Variants in KIF2C observed in about 807,000 individuals in gnomAD.
KIF2C encodes the protein kinesin family member 2C.
KIF2C carries 34 observed loss-of-function variants against 97.4 expected under a neutral mutation model. The observed-to-expected ratio is 0.35, with a 90% CI of 0.27 to 0.46. KIF2C has a LOEUF of 0.46. KIF2C is among the 20% of genes least tolerant of loss of function. The pLI is 1.00. For synonymous variants in KIF2C, 313 were observed against 318.2 expected (o/e 0.98, Z 0.17); for missense variants, 750 against 907.6 (o/e 0.83, Z 2.23).
Position 44,762,361 on chromosome 1 carries a change from C to T in KIF2C, c.1767C>T (p.Ser589=). The T allele has an allele frequency of 6.2e-7, 1 of 1,613,740 alleles. No individual in the cohort carries two copies. The highest frequency in any genetic ancestry group is 8.5e-7 in the Non-Finnish European group (1 of 1,179,666). The part of the protein sequence containing the change: ...LRYADRVKEL[S]PHSGPSGEQL... ...GTTTCCTCAGGGTCAAGGAGCTGAG[C>T]CCCCACAGTGGGCCCAGTGGAGAGC... Residue 589 remains serine, a synonymous_variant, in exon 18 of 21, where the codon AGC becomes AGT. Transcript: ENST00000372224.
intron 16 of KIF2C, among the ~76,000 whole-genome samples, chr1:44,761,393 G>C (rs1650133264): frequency 1.3e-5 from 2 of 152,098 alleles, no homozygotes; most frequent in Admixed American, 1.3e-4. Flanking sequence ...GGATCACAAG[G>C]TCAGGAGATA....
chr1:44,753,339 A>G, intron 6 of KIF2C, 85 bp downstream of exon 6: 4 of 1,456,620 alleles, frequency 2.7e-6, no homozygotes, highest in Non-Finnish European at 3.7e-6. Flanking sequence ...CTACCTTGGC[A>G]CCTGAGTTCA....
At chr1:44,747,090 C>T (rs1441058133) in intron 2 of KIF2C, among the ~76,000 whole-genome samples, 2 of 151,932 alleles carry the variant, frequency 1.3e-5, no homozygotes, top group South Asian at 2.1e-4. Context: ...GGGAGATCAC[C>T]TGAGGCCAGG....
At chr1:44,745,883 TC>T (rs1649168620) in intron 2 of KIF2C, among the ~76,000 whole-genome samples, 1 of 151,904 alleles carries the variant, frequency 6.6e-6, no homozygotes, top group Admixed American at 6.6e-5. Flanking sequence ...TTTTTCTTTT[TC>T]TTTTTTTTTT....
chr1:44,761,937 A>C lies in KIF2C; in HGVS notation c.1705A>C (p.Ile569Leu). The C allele has an allele frequency of 6.2e-7, 1 of 1,614,172 alleles. No homozygotes were observed. Among genetic ancestry groups the C allele is most frequent in the Non-Finnish European group, 8.5e-7 (1 of 1,180,006 alleles). Residue 569 changes from isoleucine to leucine, a missense_variant, in exon 17 of 21, where the codon ATA becomes CTA. Coordinates refer to ENST00000372224, the MANE Select transcript of KIF2C (RefSeq NM_006845.4). ...GCAGATTGCCACGATCTCACCAGGC[A>C]TAAGCTCCTGTGAATATACTTTAAA... ...TCMIATISPG[I>L]SSCEYTLNTL...
intron 6 of KIF2C, 79 bp from the exon 7 acceptor site, chr1:44,753,654 G>A (rs1649647401): frequency 1.1e-6 from 1 of 948,486 alleles, no homozygotes; most frequent in African/African-American, 1.7e-5. Flanking sequence ...TCAGTAAATA[G>A]CCAGAGAAGA....
chr1:44,766,956 G>T lies in KIF2C; in HGVS notation c.2095+7G>T. 1.2e-6 allele frequency: 2 copies of T among 1,614,214 alleles called. No homozygotes were observed. The highest frequency in any genetic ancestry group is 2.7e-5 in the African/African-American group (2 of 75,070). ...CATTTCTCAGCCCTGCGAGGTGGGT[G>T]TGGCTGGATGGGGTGCAGGTGGACG... On this transcript the variant is annotated splice_region_variant and intron_variant, in intron 20 of 20. Transcript: ENST00000372224.
At chr1:44,750,405 G>A (rs771950720) in intron 4 of KIF2C, 37 bp from the exon 5 acceptor site, 24 of 1,382,780 alleles carry the variant, frequency 1.7e-5, no homozygotes, top group Middle Eastern at 2.2e-4. Context: ...CCTCGAGATC[G>A]TGCAGCACTG....
At chr1:44,762,317 T>G in intron 17 of KIF2C, 29 bp from the exon 18 acceptor site, 1 of 1,574,090 alleles carries the variant, frequency 6.4e-7, no homozygotes, top group Non-Finnish European at 8.7e-7. Flanking sequence ...GGGGGTGCTG[T>G]GGGATCTGAG....
chr1:44,745,464 CTTTTTTTTTTTTT>C (rs869293971), intron 2 of KIF2C, among the ~76,000 whole-genome samples: 3 of 38,348 alleles, frequency 7.8e-5, no homozygotes, highest in African/African-American at 3.5e-4. Context: ...TTGTATATGT[CTTTTTTTTTTTTT>C]TTTTTTTTTT....
At chr1:44,740,166 A>G (rs1648862535) in intron 1 of KIF2C, 164 bp downstream of exon 1, 2 of 826,782 alleles carry the variant, frequency 2.4e-6, no homozygotes, top group Non-Finnish European at 4.1e-6. Context: ...ATTCTTGCCT[A>G]CACAGGGGTG....
In KIF2C at chr1:44,762,468, G is replaced by A. The variant is rs41269071; in HGVS notation, c.1857+17G>A. 14,210 of 1,612,638 alleles carry A rather than the reference G, an allele frequency of 8.8e-3. 83 individuals carry two copies. The highest frequency in any genetic ancestry group is 0.011 in the Non-Finnish European group (12,580 of 1,178,664). ...CCAGGCAATGTAAGGACCAGGATGC[G>A]GCCAAGCAAGACAGAAGTGTGGCCT... is the stretch of plus-strand genomic sequence containing the variant. On this transcript the variant is annotated intron_variant, in intron 18 of 20. Coordinates refer to ENST00000372224, the MANE Select transcript of KIF2C (RefSeq NM_006845.4).
chr1:44,741,278 A>G (rs1281005791), intron 2 of KIF2C, among the ~76,000 whole-genome samples: 2 of 151,316 alleles, frequency 1.3e-5, no homozygotes, highest in African/African-American at 4.9e-5. Context: ...ACTACTTGGG[A>G]GCCTGAGGCA....
chr1:44,755,893 C>T (rs1361675585), intron 8 of KIF2C, 36 bp from the exon 9 acceptor site: 16 of 1,608,876 alleles, frequency 9.9e-6, no homozygotes, highest in Non-Finnish European at 1.4e-5. Flanking sequence ...TGCTCTGACC[C>T]TTTGCTGTTG....
chr1:44,758,472 A>G (rs915864266), intron 13 of KIF2C, among the ~76,000 whole-genome samples: 1 of 151,984 alleles, frequency 6.6e-6, no homozygotes, highest in Non-Finnish European at 1.5e-5. Context: ...CCCTGCCCGC[A>G]CCACCATATA....
In KIF2C at chr1:44,754,738, G is replaced by A. The variant is rs202247449; in HGVS notation, c.664-12G>A. 2.2e-4 allele frequency: 346 copies of A among 1,552,228 alleles called. No homozygotes were observed. Among genetic ancestry groups the A allele is most frequent in the Admixed American group, 8.7e-4 (52 of 59,784 alleles). Reference sequence around the variant, plus strand: ...TAACAGTCTGCCCTTTTTCACTCTCGTCTCAAACCAGGAGTATGACAGTAG... The same window carrying A: ...TAACAGTCTGCCCTTTTTCACTCTCATCTCAAACCAGGAGTATGACAGTAG... On this transcript the variant is annotated splice_polypyrimidine_tract_variant and intron_variant, in intron 7 of 20. Coordinates refer to ENST00000372224, the MANE Select transcript of KIF2C (RefSeq NM_006845.4).
At chr1:44,740,115 CT>C in intron 1 of KIF2C, 113 bp downstream of exon 1, 1 of 1,249,058 alleles carries the variant, frequency 8.0e-7, no homozygotes, top group Non-Finnish European at 1.2e-6. Context: ...TCCCTCCCTC[CT>C]TTTCACACGC....
At chr1:44,753,960 T>A in intron 7 of KIF2C, 127 bp downstream of exon 7, 10 of 155,590 alleles carry the variant, frequency 6.4e-5, no homozygotes, top group Non-Finnish European at 8.0e-5. Context: ...CCCCAATTCT[T>A]TTTTTTTTTT....
At chr1:44,758,409 T>A (rs1213616281) in intron 13 of KIF2C, among the ~76,000 whole-genome samples, 2 of 152,142 alleles carry the variant, frequency 1.3e-5, no homozygotes, top group Non-Finnish European at 2.9e-5. Flanking sequence ...TCGGCCGACC[T>A]CCTTCATCCC....
Sources: allele counts gnomAD v4.1 joint callset (sites outside exome capture counted in the v4.1 genomes callset), GRCh38; gene constraint gnomAD v4.1.1; transcripts MANE v1.5; gene names NCBI Gene and HGNC (gene_info 2026-07-23, HGNC 2026-07-21).